Variants in PTPRS observed in about 807,000 individuals in gnomAD.
The protein encoded by PTPRS is receptor-type tyrosine-protein phosphatase S.
PTPRS carries 63 observed loss-of-function variants against 215.3 expected under a neutral mutation model. The ratio of observed to expected loss-of-function variants is 0.29; its 90% CI spans 0.24 to 0.36. The LOEUF (loss-of-function observed/expected upper bound fraction) is 0.36, where lower values mean the gene tolerates loss of function less well. PTPRS is among the 10% of genes least tolerant of loss of function. PTPRS has a pLI of 1.00. For missense variants in PTPRS, 2,258 were observed against 2,825.8 expected, an observed-to-expected ratio of 0.80 and a Z score of 4.56; for synonymous variants, 1,404 against 1,191.4, an observed-to-expected ratio of 1.18 and a Z score of -3.68.
At chr19:5,302,549 T>G (rs1366258713) in intron 1 of PTPRS, among the ~76,000 whole-genome samples, 1 of 152,226 alleles carries the variant, frequency 6.6e-6, no homozygotes, top group Non-Finnish European at 1.5e-5. Context: ...CTGGATACTG[T>G]TGCGAACACC....
intron 1 of PTPRS, among the ~76,000 whole-genome samples, chr19:5,286,748 C>T (rs572978581): frequency 6.6e-6 from 1 of 152,116 alleles, no homozygotes; most frequent in South Asian, 2.1e-4. Context: ...CTACAGCAGC[C>T]CAAATGGACT....
chr19:5,320,482 T>C (rs1293599474), intron 1 of PTPRS, among the ~76,000 whole-genome samples: 3 of 152,144 alleles, frequency 2.0e-5, no homozygotes, highest in Non-Finnish European at 4.4e-5. Flanking sequence ...CAGGCTGGAG[T>C]GCAGTGGTGT....
chr19:5,229,240 G>A (rs2042790003), intron 16 of PTPRS, 76 bp downstream of exon 16: 2 of 1,305,246 alleles, frequency 1.5e-6, no homozygotes, highest in Non-Finnish European at 2.0e-6. Context: ...ATGATAAGGG[G>A]CGTGCAGGAG....
rs1040981693 is a variant in PTPRS, at chr19:5,338,667, G to T, written c.-95+1997C>A. Among the ~76,000 whole-genome samples the T allele has an allele frequency of 2.0e-5, 3 of 151,896 alleles. No homozygotes were observed. The highest frequency in any genetic ancestry group is 4.4e-5 in the Non-Finnish European group (3 of 67,964). On this transcript the variant is annotated intron_variant, in intron 1 of 37. Coordinates refer to ENST00000262963, the MANE Select transcript of PTPRS (RefSeq NM_002850.4). The surrounding 1 kb of genome is among the most constrained non-coding windows in gnomAD (Gnocchi z 4.2). ...GCAAAGAAAGAAGAGCAGAGGGACA[G>T]AAGGCAGGCGCGATTGGCAGGGGGA...
intron 30 of PTPRS, 63 bp from the exon 31 acceptor site, chr19:5,212,554 G>A: frequency 1.3e-6 from 2 of 1,519,614 alleles, no homozygotes; most frequent in Non-Finnish European, 1.8e-6. Context: ...TGCTGAAGAT[G>A]CCCAAGTGGC....
intron 1 of PTPRS, among the ~76,000 whole-genome samples, chr19:5,291,168 G>T (rs2048785409): frequency 6.6e-6 from 1 of 152,158 alleles, no homozygotes; most frequent in Non-Finnish European, 1.5e-5. Context: ...AGGGGTCCTG[G>T]TGGCCAGGAG....
At chr19:5,322,947 G>A (rs2050071817) in intron 1 of PTPRS, among the ~76,000 whole-genome samples, 1 of 150,224 alleles carries the variant, frequency 6.7e-6, no homozygotes, top group Non-Finnish European at 1.5e-5. Context: ...ATGCATTTCA[G>A]AGCCTCATTT....
rs752093377 is a variant in PTPRS at position 5,222,702 on chromosome 19, G to A, written c.3090C>T (p.Phe1030=). 2 of 1,588,266 alleles carry A rather than the reference G, an allele frequency of 1.3e-6. No individual in the cohort carries two copies. The highest frequency in any genetic ancestry group is 4.5e-5 in the East Asian group (2 of 44,318). Residue 1030 remains phenylalanine, a synonymous_variant, in exon 18 of 38, where the codon TTC becomes TTT. Transcript: ENST00000262963. ...PFSPPVRYRT[F]LRDQVSPKNF... The stretch of plus-strand genomic sequence containing the variant: ...CCGCGCGCCTACCTTGGTCCCGCAG[G>A]AACGTCCGGTAGCGGACGGGGGGGC...
rs1359024914 is a variant in PTPRS at position 5,211,986 on chromosome 19, A to G, written c.5034T>C (p.Thr1678=). 3.1e-6 allele frequency: 5 copies of G among 1,609,536 alleles called. No individual in the cohort carries two copies. The highest frequency in any genetic ancestry group is 4.2e-6 in the Non-Finnish European group (5 of 1,178,584). The change falls in exon 32 of 38, where the codon ACT becomes ACC. Residue 1678 remains threonine (T), a synonymous_variant. Coordinates refer to ENST00000262963, the MANE Select transcript of PTPRS (RefSeq NM_002850.4). The part of the protein sequence containing the change: ...LAQVEPGEHV[T]GMELEFKRLA... Reference sequence around the variant, plus strand: ...GCACCTTGAACTCGAGTTCCATGCCAGTGACGTGTTCGCCAGGCTCCACCT... The same window carrying G: ...GCACCTTGAACTCGAGTTCCATGCCGGTGACGTGTTCGCCAGGCTCCACCT...
intron 6 of PTPRS, among the ~76,000 whole-genome samples, chr19:5,262,403 T>C (rs1469980981): frequency 2.0e-5 from 3 of 152,186 alleles, no homozygotes; most frequent in Non-Finnish European, 4.4e-5. Context: ...ACTGATAGCA[T>C]AGGCTGATAT....
intron 8 of PTPRS, 118 bp from the exon 9 acceptor site, chr19:5,256,237 G>A: frequency 3.1e-6 from 2 of 636,586 alleles, no homozygotes; most frequent in East Asian, 4.5e-5. Context: ...GCAATAGTTT[G>A]TTGTTTTTTT....
intron 4 of PTPRS, among the ~76,000 whole-genome samples, chr19:5,271,169 A>G (rs896450452): frequency 2.0e-5 from 3 of 152,178 alleles, no homozygotes; most frequent in Non-Finnish European, 2.9e-5. Context: ...GCTCATATAC[A>G]TGACTGGGAT....
chr19:5,238,175 C>T (rs772719175), intron 13 of PTPRS, among the ~76,000 whole-genome samples: 6 of 152,078 alleles, frequency 3.9e-5, no homozygotes, highest in African/African-American at 7.2e-5. Flanking sequence ...GGTGGGGAGA[C>T]GGCAGAAGGG....
Position 5,338,149 on chromosome 19 carries a change from T to A in PTPRS, c.-95+2515A>T, listed in dbSNP as rs1600161536. On this transcript the variant is annotated intron_variant, in intron 1 of 37. Transcript: ENST00000262963. This position sits in a 1 kb window ranked among gnomAD's most constrained non-coding sequence, Gnocchi z 4.2. ...CAGTCCACCGCCTCTTGGGACGGCA[T>A]CTCTGGACGGCCACTGACAGTACCA... 6.6e-6 allele frequency among the ~76,000 whole-genome samples: 1 copy of A among 152,110 alleles called. No individual in the cohort carries two copies. The highest frequency in any genetic ancestry group is 6.5e-5 in the Admixed American group (1 of 15,270).
At chr19:5,225,673 T>G in intron 17 of PTPRS, 54 bp downstream of exon 17, 2 of 1,447,396 alleles carry the variant, frequency 1.4e-6, no homozygotes, top group South Asian at 2.3e-5. Context: ...CACGCTCTGG[T>G]GCCAGTGGGG....
At chr19:5,219,798 C>T (rs776843940) in intron 22 of PTPRS, 141 bp downstream of exon 22, 28 of 1,011,436 alleles carry the variant, frequency 2.8e-5, no homozygotes, top group African/African-American at 2.1e-4. Flanking sequence ...AGGATCCCTC[C>T]GCTCCCAAGT....
chr19:5,266,194 G>A (rs2146404818), intron 4 of PTPRS, among the ~76,000 whole-genome samples: 1 of 152,212 alleles, frequency 6.6e-6, no homozygotes, highest in South Asian at 2.1e-4. Context: ...GGGAGACGGA[G>A]GTTGTGGTGA....
rs969186461 is a variant in PTPRS, at chr19:5,287,447, A to C, written c.-94-1213T>G. On this transcript the variant is annotated intron_variant, in intron 1 of 37. Coordinates refer to ENST00000262963, the MANE Select transcript of PTPRS (RefSeq NM_002850.4). The surrounding 1 kb of genome is among the most constrained non-coding windows in gnomAD (Gnocchi z 4.8). ...CTCGTCACATACCTTGAACCCTGGA[A>C]TGGCCCCCTCCCCATCTCCCCAATC... Among the ~76,000 whole-genome samples the C allele has an allele frequency of 3.9e-5, 6 of 152,168 alleles. No individual in the cohort carries two copies. The highest frequency in any genetic ancestry group is 7.4e-5 in the Non-Finnish European group (5 of 68,006).
Position 5,210,444 on chromosome 19 carries a change from C to G in PTPRS, c.5487+25G>C. 2.5e-6 allele frequency: 4 copies of G among 1,613,994 alleles called. No individual in the cohort carries two copies. The highest frequency in any genetic ancestry group is 2.5e-6 in the Non-Finnish European group (3 of 1,179,900). Reference sequence around the variant, plus strand: ...CCAGATCACTAAGGCTCCAGCCCCTCCCGCCAGTCTGTCTCTTCACTCACC... The same window carrying G: ...CCAGATCACTAAGGCTCCAGCCCCTGCCGCCAGTCTGTCTCTTCACTCACC... On this transcript the variant is annotated intron_variant, in intron 35 of 37. Transcript: ENST00000262963. This position sits in a 1 kb window ranked among gnomAD's most constrained non-coding sequence, Gnocchi z 4.5.
Sources: gnomAD v4.1 joint callset for allele counts (sites outside exome capture counted in the v4.1 genomes callset) on GRCh38, gnomAD v4.1.1 for gene constraint, Gnocchi (gnomAD v3.1) non-coding constraint, MANE v1.5 for transcripts, NCBI Gene and HGNC (gene_info 2026-07-23, HGNC 2026-07-21) for gene names.